Variants in RABGAP1L observed in about 807,000 individuals in gnomAD.
RABGAP1L encodes RAB GTPase activating protein 1 like, also known as rab GTPase-activating protein 1-like.
Under a neutral mutation model 137.7 loss-of-function variants are expected in RABGAP1L, and 63 were observed. The observed-to-expected ratio is 0.46, with a 90% CI of 0.37 to 0.56. The LOEUF is 0.56. Ranked by LOEUF, RABGAP1L falls within the 20% of genes least tolerant of loss-of-function variation. The pLI is 0.00. For synonymous variants in RABGAP1L, 431 were observed against 433.7 expected, an observed-to-expected ratio of 0.99 and a Z score of 0.08; for missense variants, 1,095 against 1,244.0, an observed-to-expected ratio of 0.88 and a Z score of 1.80.
intron 4 of RABGAP1L, among the ~76,000 whole-genome samples, chr1:174,239,235 G>A (rs193113084): frequency 1.4e-3 from 218 of 152,298 alleles, no homozygotes; most frequent in Admixed American, 0.012. Context: ...CTTCTGCGTC[G>A]CTCACGCTGG....
intron 13 of RABGAP1L, among the ~76,000 whole-genome samples, chr1:174,556,251 TC>T (rs1275849757): frequency 1.3e-5 from 2 of 152,026 alleles, no homozygotes; most frequent in African/African-American, 2.4e-5. Flanking sequence ...CCACTTTGGC[TC>T]CACAAAGTGC....
At chr1:174,732,956 CA>C (rs1364161069) in intron 17 of RABGAP1L, among the ~76,000 whole-genome samples, 2 of 151,554 alleles carry the variant, frequency 1.3e-5, no homozygotes, top group Non-Finnish European at 2.9e-5. Context: ...GTGTGTCAGA[CA>C]CTTTTCTAAG....
chr1:174,425,573 A>C (rs914462072), intron 13 of RABGAP1L, among the ~76,000 whole-genome samples: 3 of 152,118 alleles, frequency 2.0e-5, no homozygotes, highest in African/African-American at 7.2e-5. Context: ...CAAATTAGAC[A>C]TAACTTAATG....
At chr1:174,269,726 T>C (rs181930584) in intron 7 of RABGAP1L, among the ~76,000 whole-genome samples, 1 of 152,344 alleles carries the variant, frequency 6.6e-6, no homozygotes. Flanking sequence ...GGATGTCTCT[T>C]CTATACTTTG....
chr1:174,652,799 C>A (rs186481249), intron 14 of RABGAP1L, among the ~76,000 whole-genome samples: 61 of 152,208 alleles, frequency 4.0e-4, no homozygotes, highest in African/African-American at 1.3e-3. Context: ...AGGTGGCAGT[C>A]TGTCCCTTAG....
intron 19 of RABGAP1L, among the ~76,000 whole-genome samples, chr1:174,813,612 A>G (rs1176156254): frequency 6.6e-6 from 1 of 152,256 alleles, no homozygotes; most frequent in Non-Finnish European, 1.5e-5. Flanking sequence ...TGAGCTTTAT[A>G]TTCAAAGAGA....
intron 3 of RABGAP1L, 127 bp from the exon 4 acceptor site, chr1:174,231,018 G>C: frequency 1.6e-6 from 1 of 633,142 alleles, no homozygotes; most frequent in Non-Finnish European, 2.7e-6. Context: ...AAATATAAAA[G>C]GAGTGAAAAT....
At chr1:174,550,169 A>G (rs1219098631) in intron 13 of RABGAP1L, among the ~76,000 whole-genome samples, 2 of 152,200 alleles carry the variant, frequency 1.3e-5, no homozygotes, top group Non-Finnish European at 2.9e-5. Context: ...ACCTCCACAA[A>G]TATATATCTA....
At chr1:174,649,297 G>C (rs1675256780) in intron 14 of RABGAP1L, among the ~76,000 whole-genome samples, 1 of 152,136 alleles carries the variant, frequency 6.6e-6, no homozygotes, top group East Asian at 1.9e-4. Flanking sequence ...TCATAGTGTT[G>C]ATGGTCTTTA....
chr1:174,263,631 G>A (rs182454319), intron 7 of RABGAP1L, among the ~76,000 whole-genome samples: 196 of 151,998 alleles, frequency 1.3e-3, no homozygotes, highest in East Asian at 2.1e-3. Context: ...TATTTCTACC[G>A]TATGTTTATT....
intron 13 of RABGAP1L, among the ~76,000 whole-genome samples, chr1:174,597,807 G>T (rs956296495): frequency 1.3e-5 from 2 of 151,988 alleles, no homozygotes; most frequent in East Asian, 3.9e-4. Context: ...TTTGCTCTCA[G>T]TATTGCTTTC....
intron 19 of RABGAP1L, among the ~76,000 whole-genome samples, chr1:174,923,025 G>A (rs1662079510): frequency 6.6e-6 from 1 of 151,962 alleles, no homozygotes; most frequent in Non-Finnish European, 1.5e-5. Flanking sequence ...ATATCAAACA[G>A]CCAAGTATGG....
At chr1:174,538,429 G>A (rs968268486) in intron 13 of RABGAP1L, among the ~76,000 whole-genome samples, 3 of 151,908 alleles carry the variant, frequency 2.0e-5, no homozygotes, top group Non-Finnish European at 4.4e-5. Flanking sequence ...ACCCAACATT[G>A]TCTACTCTGT....
intron 13 of RABGAP1L, among the ~76,000 whole-genome samples, chr1:174,548,941 T>G (rs954744038): frequency 2.0e-5 from 3 of 152,210 alleles, no homozygotes; most frequent in African/African-American, 7.2e-5. Context: ...TGAAAATGTT[T>G]TACTATTGTG....
intron 15 of RABGAP1L, among the ~76,000 whole-genome samples, chr1:174,692,675 C>A (rs1418301073): frequency 6.6e-6 from 1 of 152,020 alleles, no homozygotes; most frequent in Non-Finnish European, 1.5e-5. Context: ...AAAATTTTAC[C>A]TATGCATCTG....
chr1:174,629,378 A>T (rs1673152616), intron 13 of RABGAP1L, among the ~76,000 whole-genome samples: 1 of 152,220 alleles, frequency 6.6e-6, no homozygotes, highest in South Asian at 2.1e-4. Context: ...TATGAGATGG[A>T]TCAGTGACTA....
At chr1:174,458,477 G>A (rs1306431032) in intron 13 of RABGAP1L, among the ~76,000 whole-genome samples, 1 of 151,992 alleles carries the variant, frequency 6.6e-6, no homozygotes. Flanking sequence ...ATTTCAACCT[G>A]ATTCAGTCAG....
chr1:174,990,051 C>A lies in RABGAP1L; in HGVS notation c.*50C>A, dbSNP rs1671957964. 5 of 1,459,346 alleles carry A rather than the reference C, an allele frequency of 3.4e-6. No homozygotes were observed. The East Asian group carries it at 1.0e-4, about 29-fold the overall frequency. The allele number at this position is 1,459,346 out of a possible 1,614,324, so 90.4% of individuals were successfully genotyped here. A position where few individuals can be genotyped will look rare whatever the true frequency, so the allele number is the denominator to read the frequency against. On this transcript the variant is annotated 3_prime_UTR_variant, in exon 26 of 26. Transcript: ENST00000681986. ...GCACAATGTTCAAACCAATGGAAAT[C>A]TGGGAGGATTCTTCCTGGTGTCCCT... is the stretch of plus-strand genomic sequence containing the variant.
chr1:174,557,331 C>T (rs780040190), intron 13 of RABGAP1L, among the ~76,000 whole-genome samples: 10 of 152,166 alleles, frequency 6.6e-5, no homozygotes, highest in South Asian at 4.1e-4. Context: ...ATACAAATAT[C>T]ACTTCTGTCA....
Sources: gnomAD v4.1 joint callset for allele counts (sites outside exome capture counted in the v4.1 genomes callset) on GRCh38, gnomAD v4.1.1 for gene constraint, MANE v1.5 for transcripts, NCBI Gene and HGNC (gene_info 2026-07-23, HGNC 2026-07-21) for gene names.